STRBP: variants seen among roughly 807,000 people sequenced by gnomAD.
STRBP encodes the protein spermatid perinuclear RNA-binding protein.
STRBP carries 13 observed loss-of-function variants against 80.1 expected under a neutral mutation model. The observed-to-expected ratio is 0.16, with a 90% CI of 0.11 to 0.26. The LOEUF (loss-of-function observed/expected upper bound fraction) is 0.26, where lower values mean the gene tolerates loss of function less well. STRBP is among the 10% of genes least tolerant of loss of function. The probability of loss-of-function intolerance (pLI) is 1.00; values close to 1 mark genes in which losing one functional copy is unlikely to be tolerated. For synonymous variants in STRBP, 284 were observed against 291.2 expected (o/e 0.98, Z 0.25); for missense variants, 485 against 815.2 (o/e 0.59, Z 4.93).
chr9:123,120,284 G>A (rs1264075399), downstream of STRBP, among the ~76,000 whole-genome samples: 1 of 151,396 alleles, frequency 6.6e-6, no homozygotes, highest in Non-Finnish European at 1.5e-5. Context: ...AGACTGTATA[G>A]AGTATGAGTT....
chr9:123,112,283 G>C, intron 3 of STRBP: 1 of 167,358 alleles, frequency 6.0e-6, no homozygotes. Context: ...AGGCAGAGGG[G>C]CAAGTGCCTC....
At chr9:123,182,737 G>T (rs962669116) in intron 3 of STRBP, among the ~76,000 whole-genome samples, 1 of 152,024 alleles carries the variant, frequency 6.6e-6, no homozygotes, top group South Asian at 2.1e-4. Flanking sequence ...GGCTGGGCAC[G>T]GTGCCTCACG....
rs1036833991 is a variant in STRBP at position 123,244,123 on chromosome 9, G to A, written c.-301-7157C>T. On this transcript the variant is annotated intron_variant, in intron 1 of 18. Coordinates refer to ENST00000348403, the MANE Select transcript of STRBP (RefSeq NM_018387.5). Reference sequence around the variant, plus strand: ...ATATTATTCAGCAATAAAGAGAGATGGGGGGAGAGTAAGAGTTATCAAGCC... The same window carrying A: ...ATATTATTCAGCAATAAAGAGAGATAGGGGGAGAGTAAGAGTTATCAAGCC... 4.6e-5 allele frequency among the ~76,000 whole-genome samples: 7 copies of A among 152,190 alleles called. No individual in the cohort carries two copies. The South Asian group carries it at 6.2e-4, about 14-fold the overall frequency.
chr9:123,260,679 T>C (rs1223885346), intron 1 of STRBP, among the ~76,000 whole-genome samples: 1 of 152,196 alleles, frequency 6.6e-6, no homozygotes, highest in Non-Finnish European at 1.5e-5. Flanking sequence ...TACTGAAGTA[T>C]TTATGGATCA....
intron 2 of STRBP, among the ~76,000 whole-genome samples, chr9:123,188,594 A>C (rs1206197669): frequency 6.6e-6 from 1 of 152,178 alleles, no homozygotes; most frequent in Non-Finnish European, 1.5e-5. Flanking sequence ...GTGAGCTGAG[A>C]TCATGCAACT....
At chr9:123,181,277 A>C (rs1341845706) in intron 3 of STRBP, among the ~76,000 whole-genome samples, 1 of 152,228 alleles carries the variant, frequency 6.6e-6, no homozygotes, top group African/African-American at 2.4e-5. Context: ...AGTAAGTACT[A>C]GAGAACAAAA....
In STRBP at chr9:123,155,469, A is replaced by T. The variant is rs151131113; in HGVS notation, c.1045+2543T>A. On this transcript the variant is annotated intron_variant, in intron 11 of 18. Coordinates refer to ENST00000348403, the MANE Select transcript of STRBP (RefSeq NM_018387.5). ...TCAACCAGTTAGAATTTTGCCAGAAACAGAGAATCAAGGAAGTAAAGGTAC... is the reference window on the plus strand; with the variant it reads ...TCAACCAGTTAGAATTTTGCCAGAATCAGAGAATCAAGGAAGTAAAGGTAC... Among the ~76,000 whole-genome samples, 34 of 152,310 alleles carry T rather than the reference A, an allele frequency of 2.2e-4. No homozygotes were observed. The East Asian group carries it at 6.4e-3, about 29-fold the overall frequency.
rs1015429977 is a variant in STRBP, at chr9:123,258,726, C to A, written c.-302+9710G>T. ...GGCTGAGGCAGAATGGTGTGAACCC[C>A]GGAGGCAGAGCTTGCAGTGAGCCAA... On this transcript the variant is annotated intron_variant, in intron 1 of 18. Transcript: ENST00000348403. Among the ~76,000 whole-genome samples the A allele has an allele frequency of 2.0e-5, 3 of 150,936 alleles. No homozygotes were observed. The Admixed American group carries it at 2.0e-4, about 10-fold the overall frequency.
chr9:123,260,926 G>T (rs1000978823), intron 1 of STRBP, among the ~76,000 whole-genome samples: 1 of 152,088 alleles, frequency 6.6e-6, no homozygotes, highest in African/African-American at 2.4e-5. Flanking sequence ...CTTAATTTCT[G>T]CTCACTTCCA....
Position 123,147,825 on chromosome 9 carries a change from C to G in STRBP, c.1091G>C (p.Gly364Ala), listed in dbSNP as rs755852191. The G allele has an allele frequency of 6.2e-7, 1 of 1,612,768 alleles. No individual in the cohort carries two copies. Among genetic ancestry groups the G allele is most frequent in the African/African-American group, 1.3e-5 (1 of 74,950 alleles). Residue 364 changes from glycine to alanine, a missense_variant, in exon 12 of 19, where the codon GGG (glycine) becomes GCG (alanine). Coordinates refer to ENST00000348403, the MANE Select transcript of STRBP (RefSeq NM_018387.5). ...CTTCTTGTTGGGGTCTTTATCATCC[C>G]CTAATCCATCTTCAAATGGCCTCTT... ...ALKRPFEDGL[G>A]DDKDPNKKMK...
intron 17 of STRBP, among the ~76,000 whole-genome samples, chr9:123,130,174 T>C (rs1295370328): frequency 6.6e-6 from 1 of 152,126 alleles, no homozygotes; most frequent in Non-Finnish European, 1.5e-5. Context: ...TTATTTAACC[T>C]CTCTGAGCTT....
chr9:123,197,504 G>A (rs931478118), intron 2 of STRBP, among the ~76,000 whole-genome samples: 4 of 151,798 alleles, frequency 2.6e-5, no homozygotes, highest in Non-Finnish European at 5.9e-5. Context: ...CTCCCCTCCC[G>A]CCGTGCCTCT....
At chr9:123,219,753 G>C (rs2040011254) in intron 2 of STRBP, among the ~76,000 whole-genome samples, 1 of 152,144 alleles carries the variant, frequency 6.6e-6, no homozygotes, top group Non-Finnish European at 1.5e-5. Context: ...AAGTTATCCA[G>C]AGTTTTTATT....
downstream of STRBP, among the ~76,000 whole-genome samples, chr9:123,117,296 A>T (rs1398578528): frequency 1.3e-5 from 2 of 152,122 alleles, no homozygotes; most frequent in African/African-American, 4.8e-5. Context: ...CAGAAAGAGG[A>T]TGACTTGGGG....
In STRBP at chr9:123,113,265, CCAGAGAAT is replaced by C. The variant is rs576534498; in HGVS notation, c.*84+2656_*84+2663del. 589 of 167,426 alleles carry C rather than the reference CCAGAGAAT, an allele frequency of 3.5e-3. 2 individuals are homozygous for C. Among genetic ancestry groups the C allele is most frequent in the Non-Finnish European group, 6.4e-3 (434 of 68,278 alleles). The allele number at this position is 167,426 out of a possible 1,614,324, so 10.4% of individuals were successfully genotyped here. A position where few individuals can be genotyped will look rare whatever the true frequency, so the allele number is the denominator to read the frequency against. On this transcript the variant is annotated intron_variant and NMD_transcript_variant, in intron 3 of 3. Transcript: ENST00000471564. Reference sequence around the variant, plus strand: ...CAGCTGTCCAGTGGCTCCCTACAGCCCAGAGAATCCAGTCCACACCCCTGAGCCTGGCC... The same window carrying C: ...CAGCTGTCCAGTGGCTCCCTACAGCCCCAGTCCACACCCCTGAGCCTGGCC...
intron 11 of STRBP, among the ~76,000 whole-genome samples, chr9:123,149,026 A>G (rs1401635248): frequency 6.6e-6 from 1 of 152,182 alleles, no homozygotes; most frequent in East Asian, 1.9e-4. Flanking sequence ...AAGTTCATCA[A>G]CCTATTCAAG....
intron 1 of STRBP, among the ~76,000 whole-genome samples, chr9:123,256,164 C>T (rs969278968): frequency 2.0e-5 from 3 of 151,154 alleles, no homozygotes; most frequent in Admixed American, 6.6e-5. Context: ...ACTGAGACTA[C>T]AGGCAAGCAC....
intron 3 of STRBP, chr9:123,112,005 T>C: frequency 5.6e-6 from 1 of 179,626 alleles, no homozygotes; most frequent in Non-Finnish European, 1.3e-5. Context: ...ACCCAGTTTC[T>C]GAAGTTTGCA....
chr9:123,159,277 A>C, intron 8 of STRBP, 70 bp from the exon 9 acceptor site: 12 of 1,092,106 alleles, frequency 1.1e-5, no homozygotes, highest in Non-Finnish European at 1.6e-5. Flanking sequence ...AATGTGAGCT[A>C]ACATTTCTAT....
Sources: allele counts gnomAD v4.1 joint callset (sites outside exome capture counted in the v4.1 genomes callset), GRCh38; gene constraint gnomAD v4.1.1; transcripts MANE v1.5; gene names NCBI Gene and HGNC (gene_info 2026-07-23, HGNC 2026-07-21).